Variants in ZSWIM8 observed in about 807,000 individuals in gnomAD.
ZSWIM8 encodes the protein zinc finger SWIM-type containing 8.
ZSWIM8 carries 27 observed loss-of-function variants against 173.7 expected under a neutral mutation model. The ratio of observed to expected loss-of-function variants is 0.16; its 90% CI spans 0.11 to 0.21. The LOEUF is 0.21. Among genes scored for constraint, ZSWIM8 ranks in the 10% least tolerant of loss-of-function variants. The probability of loss-of-function intolerance (pLI) is 1.00; values close to 1 mark genes in which losing one functional copy is unlikely to be tolerated. For missense variants in ZSWIM8, 1,627 were observed against 2,428.8 expected (o/e 0.67, Z 6.94); for synonymous variants, 958 against 962.0 (o/e 1.00, Z 0.08).
intron 21 of ZSWIM8, chr10:73,799,697 G>C: frequency 1.4e-6 from 1 of 713,036 alleles, no homozygotes; most frequent in Admixed American, 2.6e-5. Context: ...TTGAGAGGCC[G>C]ATGTGGGTGG....
chr10:73,794,722 A>G, intron 14 of ZSWIM8, 83 bp downstream of exon 14: 1 of 1,252,010 alleles, frequency 8.0e-7, no homozygotes. Context: ...GAAGGGCTGT[A>G]TGGTAATGGG....
rs2083368149 is a variant in ZSWIM8, at chr10:73,790,179, A to T, written c.828A>T (p.Thr276=). 1 of 1,612,484 alleles carries T rather than the reference A, an allele frequency of 6.2e-7. No homozygotes were observed. Among genetic ancestry groups the T allele is most frequent in the Admixed American group, 1.7e-5 (1 of 59,880 alleles). ...ACTGCCTGTCATCCTCAGACCCCAC[A>T]GCAGGGCCCTCAGCATCGGACCAGA... The part of the protein sequence containing the change: ...INTVCGAPDP[T]AGPSASDQST... Residue 276 remains threonine, a synonymous_variant, in exon 7 of 26, where the codon ACA becomes ACT. Coordinates refer to ENST00000604729, the MANE Select transcript of ZSWIM8 (RefSeq NM_001367799.1).
At chr10:73,793,083 C>T (rs1004075757) in intron 10 of ZSWIM8, among the ~76,000 whole-genome samples, 1 of 152,172 alleles carries the variant, frequency 6.6e-6, no homozygotes, top group African/African-American at 2.4e-5. Context: ...GTTCCTGTTG[C>T]CCTTATGATA....
chr10:73,792,444 C>T lies in ZSWIM8; in HGVS notation c.1905C>T (p.Ser635=). The T allele has an allele frequency of 6.2e-7, 1 of 1,606,262 alleles. No homozygotes were observed. Among genetic ancestry groups the T allele is most frequent in the Non-Finnish European group, 8.5e-7 (1 of 1,176,312 alleles). The change falls in exon 10 of 26, where the codon AGC becomes AGT. Residue 635 remains serine, a synonymous_variant. Coordinates refer to ENST00000604729, the MANE Select transcript of ZSWIM8 (RefSeq NM_001367799.1). This position sits in a 1 kb window ranked among gnomAD's most constrained non-coding sequence, Gnocchi z 4.3. ...GCCTGGCCCTGGGCGCAGAGGCCAG[C>T]ACCTTCGGGGGATTCCCTGAGAGCC... ...DSSLALGAEA[S]TFGGFPESPP...
rs370363026 is a variant in ZSWIM8 at position 73,797,229 on chromosome 10, C to T, written c.3391C>T (p.Arg1131Trp). 108 of 1,613,954 alleles carry T rather than the reference C, an allele frequency of 6.7e-5. No homozygotes were observed. The African/African-American group carries it at 8.1e-4, about 12-fold the overall frequency. ...ALGSRGGYNG[R>W]GWGSPGRPKK... ...TGGCAGTCGTGGAGGCTATAATGGA[C>T]GGGGATGGGGGTCCCCAGGACGGCC... The change falls in exon 17 of 26, where the codon CGG becomes TGG. Residue 1131 changes from arginine to tryptophan, a missense_variant. Physicochemically the swap from Arg to Trp is moderately radical, Grantham distance 101 (BLOSUM62 -3). Coordinates refer to ENST00000604729, the MANE Select transcript of ZSWIM8 (RefSeq NM_001367799.1). This position sits in a 1 kb window ranked among gnomAD's most constrained non-coding sequence, Gnocchi z 5.6.
In ZSWIM8 at chr10:73,790,036, G is replaced by C. The variant is rs746845813; in HGVS notation, c.819G>C (p.Pro273=). Residue 273 remains proline (P), a splice_region_variant and synonymous_variant, in exon 6 of 26, where the codon CCG becomes CCC. Transcript: ENST00000604729. The part of the protein sequence containing the change: ...STAINTVCGA[P]DPTAGPSASD... ...CCATCAATACAGTGTGTGGAGCTCC[G>C]GGTGAGTGTGGTGAGAAAGATTGGC... is the stretch of plus-strand genomic sequence containing the variant. 3 of 1,611,258 alleles carry C rather than the reference G, an allele frequency of 1.9e-6. No individual in the cohort carries two copies. In the East Asian group the frequency reaches 6.7e-5, roughly 36 times the overall value.
In ZSWIM8 at chr10:73,801,712, C is replaced by CAGCCCTGTCTGGGAGGGGGCGTT; in HGVS notation, c.*194_*216dup. 3.3e-6 allele frequency: 5 copies of CAGCCCTGTCTGGGAGGGGGCGTT among 1,532,434 alleles called. No homozygotes were observed. Among genetic ancestry groups the CAGCCCTGTCTGGGAGGGGGCGTT allele is most frequent in the Non-Finnish European group, 4.4e-6 (5 of 1,145,346 alleles). 94.9% of individuals were successfully genotyped at this position (1,532,434 alleles called of 1,614,324 possible). A position where few individuals can be genotyped will look rare whatever the true frequency, so the allele number is the denominator to read the frequency against. ...CCTAGAAGCCTAGGGCTGGGGGAGA[C>CAGCCCTGTCTGGGAGGGGGCGTT]AGCCCTGTCTGGGAGGGGGCGTTGG... On this transcript the variant is annotated 3_prime_UTR_variant, in exon 26 of 26. Coordinates refer to ENST00000604729, the MANE Select transcript of ZSWIM8 (RefSeq NM_001367799.1). The surrounding 1 kb of genome is among the most constrained non-coding windows in gnomAD (Gnocchi z 4.9).
At position 73,796,821 on chromosome 10, in the gene ZSWIM8, G is replaced by A; in HGVS notation, c.3081G>A (p.Gln1027=). ...GAGAGAGCCAGACACATAAGCCACA[G>A]ACGCTGAGTTCTTTCTACTCATCTA... The part of the protein sequence containing the change: ...LDRESQTHKP[Q]TLSSFYSSSR... The change falls in exon 16 of 26, where the codon CAG becomes CAA. Residue 1027 remains glutamine (Q), a synonymous_variant. Transcript: ENST00000604729. 1 of 1,614,006 alleles carries A rather than the reference G, an allele frequency of 6.2e-7. No homozygotes were observed. The highest frequency in any genetic ancestry group is 8.5e-7 in the Non-Finnish European group (1 of 1,179,910).
chr10:73,799,363 A>G lies in ZSWIM8; in HGVS notation c.4538A>G (p.Tyr1513Cys), dbSNP rs75069481. ...GGCCACTCCCCTGGCCTGCACCCCT[A>G]CACTGCTCTACAGCCCCACCTGCCC... The part of the protein sequence containing the change: ...GHGHSPGLHP[Y>C]TALQPHLPCS... Residue 1513 changes from tyrosine (Y) to cysteine (C), a missense_variant, in exon 21 of 26, where the codon TAC becomes TGC. Around this residue, in one of 18 missense-constraint regions of ZSWIM8, gnomAD observed 275 missense variants for 290.1 expected, o/e 0.95. Transcript: ENST00000604729. The G allele has an allele frequency of 6.2e-6, 10 of 1,611,588 alleles. No individual in the cohort carries two copies. The highest frequency in any genetic ancestry group is 1.6e-4 in the Middle Eastern group (1 of 6,080).
chr10:73,794,748 T>C (rs2083550923), intron 14 of ZSWIM8, 109 bp downstream of exon 14: 3 of 991,236 alleles, frequency 3.0e-6, no homozygotes, highest in African/African-American at 1.6e-5. Context: ...CAGGATGACA[T>C]GTGTGAGCCA....
intron 7 of ZSWIM8, 92 bp from the exon 8 acceptor site, chr10:73,790,883 C>T (rs1433552372): frequency 1.6e-6 from 2 of 1,260,414 alleles, no homozygotes; most frequent in African/African-American, 1.5e-5. Context: ...GTCTTTTTCC[C>T]TCTATCTTCT....
At chr10:73,796,518 T>C (rs757375846) in intron 15 of ZSWIM8, 3 of 537,438 alleles carry the variant, frequency 5.6e-6, no homozygotes, top group Non-Finnish European at 1.0e-5. Flanking sequence ...AAGTCATTCA[T>C]TCACTTATTT....
In ZSWIM8 at chr10:73,801,378, C is replaced by T. The variant is rs557117468; in HGVS notation, c.5364C>T (p.Ile1788=). 2 of 1,614,006 alleles carry T rather than the reference C, an allele frequency of 1.2e-6. No individual in the cohort carries two copies. Among genetic ancestry groups the T allele is most frequent in the East Asian group, 2.2e-5 (1 of 44,876 alleles). The change falls in exon 26 of 26, where the codon ATC becomes ATT. Residue 1788 remains isoleucine (I), a synonymous_variant. Coordinates refer to ENST00000604729, the MANE Select transcript of ZSWIM8 (RefSeq NM_001367799.1). This position sits in a 1 kb window ranked among gnomAD's most constrained non-coding sequence, Gnocchi z 4.9. ...PADYDDFVNA[I]RSARSAFCLT... Reference sequence around the variant, plus strand: ...ACTACGACGACTTTGTGAATGCGATCCGGAGTGCCCGCAGCGCCTTCTGCC... The same window carrying T: ...ACTACGACGACTTTGTGAATGCGATTCGGAGTGCCCGCAGCGCCTTCTGCC...
chr10:73,790,045 T>C lies in ZSWIM8; in HGVS notation c.820+8T>C, dbSNP rs1035676168. The C allele has an allele frequency of 6.8e-6, 11 of 1,610,658 alleles. No homozygotes were observed. Among genetic ancestry groups the C allele is most frequent in the Non-Finnish European group, 9.3e-6 (11 of 1,178,576 alleles). On this transcript the variant is annotated splice_region_variant and intron_variant, in intron 6 of 25. Transcript: ENST00000604729. ...CAGTGTGTGGAGCTCCGGGTGAGTG[T>C]GGTGAGAAAGATTGGCAGTAGGAAG...
chr10:73,794,673 G>A, intron 14 of ZSWIM8, 34 bp downstream of exon 14: 2 of 1,529,972 alleles, frequency 1.3e-6, no homozygotes, highest in Non-Finnish European at 1.8e-6. Flanking sequence ...GCTAAGCCTG[G>A]TTCAGGTCTT....
At position 73,800,686 on chromosome 10, in the gene ZSWIM8, C is replaced by G. The variant is rs770198431; in HGVS notation, c.5049C>G (p.His1683Gln). The change falls in exon 24 of 26, where the codon CAC becomes CAG. Residue 1683 changes from histidine (H) to glutamine (Q), a missense_variant. This residue lies in a region of ZSWIM8 where 30 missense variants were observed against 20.9 expected (regional missense o/e 1.44). Transcript: ENST00000604729. This position sits in a 1 kb window ranked among gnomAD's most constrained non-coding sequence, Gnocchi z 4.1. ...EMLGRRAHND[H>Q]PNNFSRSPPY... is the part of the protein sequence containing the mutation. ...TGGGTCGCCGGGCACACAACGATCA[C>G]CCCAACAACTTCTCCCGCTCCCCCC... The G allele has an allele frequency of 1.9e-6, 3 of 1,613,700 alleles. No individual in the cohort carries two copies. The Admixed American group carries it at 5.0e-5, about 27-fold the overall frequency.
rs746133958 is a variant in ZSWIM8, at chr10:73,794,270, T to C, written c.2749T>C (p.Tyr917His). The C allele has an allele frequency of 6.8e-6, 11 of 1,613,938 alleles. No individual in the cohort carries two copies. Among genetic ancestry groups the C allele is most frequent in the Non-Finnish European group, 8.5e-6 (10 of 1,179,906 alleles). ...EELREGTLCD[Y>H]RPVLPLMLAS... ...ACTTCGGGAGGGGACACTCTGTGAC[T>C]ATCGGCCTGTGTTGCCTCTCATGCT... is the stretch of plus-strand genomic sequence containing the variant. The change falls in exon 13 of 26, where the codon TAT (tyrosine) becomes CAT (histidine). Residue 917 changes from tyrosine (Y) to histidine (H), a missense_variant. This residue lies in a region of ZSWIM8 where 169 missense variants were observed against 235.3 expected (regional missense o/e 0.72). Coordinates refer to ENST00000604729, the MANE Select transcript of ZSWIM8 (RefSeq NM_001367799.1).
rs752025465 is a variant in ZSWIM8 at position 73,800,033 on chromosome 10, G to A, written c.4688G>A (p.Gly1563Glu). The A allele has an allele frequency of 1.2e-6, 2 of 1,613,612 alleles. No individual in the cohort carries two copies. Among genetic ancestry groups the A allele is most frequent in the South Asian group, 2.2e-5 (2 of 91,080 alleles). Reference sequence around the variant, plus strand: ...TAGGGTGTGCATCCTGCATTCCTAGGGGCTCAGTACCCTTATTCAGTGACT... The same window carrying A: ...TAGGGTGTGCATCCTGCATTCCTAGAGGCTCAGTACCCTTATTCAGTGACT... The part of the protein sequence containing the change: ...YPQGVHPAFL[G>E]AQYPYSVTPP... The change falls in exon 22 of 26, where the codon GGG (glycine) becomes GAG (glutamate). Residue 1563 changes from glycine (G) to glutamate (E), a missense_variant. Around this residue, in one of 18 missense-constraint regions of ZSWIM8, gnomAD observed 275 missense variants for 290.1 expected, o/e 0.95. Coordinates refer to ENST00000604729, the MANE Select transcript of ZSWIM8 (RefSeq NM_001367799.1). The surrounding 1 kb of genome is among the most constrained non-coding windows in gnomAD (Gnocchi z 4.1).
chr10:73,797,109 C>T lies in ZSWIM8; in HGVS notation c.3275-4C>T, dbSNP rs745733149. ...CATCCCAGCGTCCTGTTTTCCTCAC[C>T]TAGAGAGTTCCCCACATTCCCCCTG... is the stretch of plus-strand genomic sequence containing the variant. On this transcript the variant is annotated splice_region_variant and splice_polypyrimidine_tract_variant and intron_variant, in intron 16 of 25. Transcript: ENST00000604729. This position sits in a 1 kb window ranked among gnomAD's most constrained non-coding sequence, Gnocchi z 5.6. The T allele has an allele frequency of 2.5e-6, 4 of 1,613,480 alleles. No homozygotes were observed. The highest frequency in any genetic ancestry group is 2.5e-6 in the Non-Finnish European group (3 of 1,179,664).
Sources: allele counts gnomAD v4.1 joint callset (sites outside exome capture counted in the v4.1 genomes callset), GRCh38; gene constraint gnomAD v4.1.1; regional missense constraint gnomAD v4.1.1; non-coding constraint Gnocchi (gnomAD v3.1); transcripts MANE v1.5; gene names NCBI Gene and HGNC (gene_info 2026-07-23, HGNC 2026-07-21).